Variants in AFTPH observed in about 807,000 individuals in gnomAD.
The protein encoded by AFTPH is aftiphilin protein.
A neutral mutation model predicts 72.5 loss-of-function variants in AFTPH; 7 were observed. The ratio of observed to expected loss-of-function variants is 0.10; its 90% CI spans 0.05 to 0.18. The LOEUF is 0.18. Among genes scored for constraint, AFTPH ranks in the 10% least tolerant of loss-of-function variants. The probability of loss-of-function intolerance (pLI) is 1.00; values close to 1 mark genes in which losing one functional copy is unlikely to be tolerated. For synonymous variants in AFTPH, 337 were observed against 370.1 expected (o/e 0.91, Z 1.03); for missense variants, 979 against 1,060.5 (o/e 0.92, Z 1.07).
intron 5 of AFTPH, among the ~76,000 whole-genome samples, chr2:64,570,183 A>G (rs1251306343): frequency 1.3e-5 from 2 of 152,152 alleles, no homozygotes; most frequent in Non-Finnish European, 2.9e-5. Flanking sequence ...GTTTTTTCAG[A>G]TATGCCAGGT....
At chr2:64,563,410 G>C (rs1412860848) in intron 2 of AFTPH, among the ~76,000 whole-genome samples, 1 of 152,082 alleles carries the variant, frequency 6.6e-6, no homozygotes, top group East Asian at 1.9e-4. Flanking sequence ...CAAATTTTAT[G>C]TTCAAAATAG....
intron 6 of AFTPH, among the ~76,000 whole-genome samples, chr2:64,573,727 G>A (rs1194934771): frequency 1.3e-5 from 2 of 151,862 alleles, no homozygotes; most frequent in South Asian, 4.2e-4. Flanking sequence ...GTATGATCTC[G>A]GCTCACTATA....
chr2:64,558,175 A>C (rs1033441702), intron 2 of AFTPH, among the ~76,000 whole-genome samples: 13 of 152,212 alleles, frequency 8.5e-5, no homozygotes, highest in Admixed American at 1.3e-4. Context: ...AAAACTATTG[A>C]TATTAATCAA....
At chr2:64,576,719 G>C (rs764718800) in intron 6 of AFTPH, among the ~76,000 whole-genome samples, 1 of 152,054 alleles carries the variant, frequency 6.6e-6, no homozygotes, top group Non-Finnish European at 1.5e-5. Context: ...GAATTTTAGA[G>C]CTAGAAAAGA....
intron 7 of AFTPH, among the ~76,000 whole-genome samples, chr2:64,581,558 C>T (rs1173118185): frequency 1.3e-5 from 2 of 151,188 alleles, no homozygotes; most frequent in Non-Finnish European, 2.9e-5. Context: ...TTTTTTTCCT[C>T]TAAGTGGAAA....
At chr2:64,529,686 G>T (rs1356232114) in intron 1 of AFTPH, among the ~76,000 whole-genome samples, 1 of 149,708 alleles carries the variant, frequency 6.7e-6, no homozygotes, top group East Asian at 1.9e-4. Flanking sequence ...CTGGAGTACA[G>T]TGGAGTGATC....
rs544944864 is a variant in AFTPH, at chr2:64,575,507, C to G, written c.2394+2439C>G. 4.3e-4 allele frequency among the ~76,000 whole-genome samples: 66 copies of G among 152,084 alleles called. 1 individual carries two copies. In the South Asian group the frequency reaches 0.013, roughly 31 times the overall value. On this transcript the variant is annotated intron_variant, in intron 6 of 8. Coordinates refer to ENST00000238856, the Ensembl canonical transcript of AFTPH. Reference sequence around the variant, plus strand: ...TGGCATGAGCCTGTAGTCCCAGCCTCTAAGGAGGCTGAGGTGGGAAAATCA... The same window carrying G: ...TGGCATGAGCCTGTAGTCCCAGCCTGTAAGGAGGCTGAGGTGGGAAAATCA...
intron 2 of AFTPH, among the ~76,000 whole-genome samples, chr2:64,567,289 A>G (rs1416194778): frequency 6.6e-6 from 1 of 152,210 alleles, no homozygotes; most frequent in Non-Finnish European, 1.5e-5. Flanking sequence ...GAATTTTGTA[A>G]TAGATTAAGA....
exon 2 of AFTPH, chr2:64,552,366 T>G (rs146936440): frequency 2.4e-5 from 39 of 1,613,940 alleles, no homozygotes; most frequent in Non-Finnish European, 3.2e-5. Flanking sequence ...GGATCAGGTT[T>G]GTGTTTCAGA....
intron 2 of AFTPH, among the ~76,000 whole-genome samples, chr2:64,561,597 C>G (rs531193535): frequency 1.3e-5 from 2 of 151,994 alleles, no homozygotes; most frequent in Non-Finnish European, 2.9e-5. Context: ...CAGGATCACT[C>G]GAGCCCAGAA....
chr2:64,551,302 G>T, intron 1 of AFTPH, 141 bp from the exon 2 acceptor site: 1 of 632,308 alleles, frequency 1.6e-6, no homozygotes, highest in Non-Finnish European at 2.6e-6. Flanking sequence ...AAAACATCAT[G>T]CAGGACATGG....
chr2:64,565,509 ATTAG>A (rs1037315845), intron 2 of AFTPH, among the ~76,000 whole-genome samples: 1 of 146,766 alleles, frequency 6.8e-6, no homozygotes, highest in Admixed American at 6.8e-5. Context: ...TGTTCATTCT[ATTAG>A]TTGCTGAATT....
At chr2:64,563,678 T>C (rs1671873950) in intron 2 of AFTPH, among the ~76,000 whole-genome samples, 1 of 152,152 alleles carries the variant, frequency 6.6e-6, no homozygotes, top group African/African-American at 2.4e-5. Flanking sequence ...TGAGATGGAG[T>C]CTTGCACCTC....
At chr2:64,553,744 G>GTTA (rs1671195670) in intron 2 of AFTPH, among the ~76,000 whole-genome samples, 1 of 147,566 alleles carries the variant, frequency 6.8e-6, no homozygotes, top group Non-Finnish European at 1.5e-5. Flanking sequence ...CTAATTGACG[G>GTTA]TTCCAGTCAA....
At chr2:64,535,656 T>G (rs1298696996) in intron 1 of AFTPH, among the ~76,000 whole-genome samples, 2 of 152,220 alleles carry the variant, frequency 1.3e-5, no homozygotes, top group Non-Finnish European at 2.9e-5. Context: ...ACTTAGTAAA[T>G]ATAGGTGATC....
At chr2:64,578,167 C>T (rs1038883831) in intron 6 of AFTPH, among the ~76,000 whole-genome samples, 1 of 152,180 alleles carries the variant, frequency 6.6e-6, no homozygotes. Context: ...TCCAGACAGT[C>T]GTATTATAAT....
intron 1 of AFTPH, among the ~76,000 whole-genome samples, chr2:64,538,111 C>CT (rs912130909): frequency 1.5e-4 from 22 of 149,466 alleles, no homozygotes; most frequent in Middle Eastern, 3.4e-3. Context: ...TTTGGCGAAA[C>CT]TTTTTTTTTT....
chr2:64,573,054 T>G (rs1482987938), exon 6 of AFTPH: 12 of 1,613,800 alleles, frequency 7.4e-6, no homozygotes, highest in African/African-American at 1.3e-5. Flanking sequence ...CACATGTACA[T>G]CTGATCAGTT....
intron 1 of AFTPH, among the ~76,000 whole-genome samples, chr2:64,526,109 A>C (rs1403659603): frequency 6.6e-6 from 1 of 152,262 alleles, no homozygotes; most frequent in African/African-American, 2.4e-5. Flanking sequence ...TTTGACCTAG[A>C]GACTGTTAAA....
Sources: allele counts gnomAD v4.1 joint callset (sites outside exome capture counted in the v4.1 genomes callset), GRCh38; gene constraint gnomAD v4.1.1; transcripts MANE v1.5; gene names NCBI Gene and HGNC (gene_info 2026-07-23, HGNC 2026-07-21).